The following EYS variants were observed in gnomAD, a reference collection of about 807,000 sequenced individuals.
EYS encodes the protein EGF-like photoreceptor maintenance factor, also known as protein eyes shut homolog.
In EYS, 250 loss-of-function variants were observed where a neutral mutation model predicts 282.1. The ratio of observed to expected loss-of-function variants is 0.89; its 90% CI spans 0.80 to 0.98. The LOEUF (loss-of-function observed/expected upper bound fraction) is 0.98. EYS is among the 50% of genes least tolerant of loss of function. The pLI, the probability that EYS is intolerant of heterozygous loss-of-function variation, is 0.00. For missense variants in EYS, 4,016 were observed against 3,709.0 expected (o/e 1.08, Z -2.15); for synonymous variants, 1,355 against 1,282.9 (o/e 1.06, Z -1.20).
chr6:64,190,263 C>T (rs1349853698), intron 31 of EYS, among the ~76,000 whole-genome samples: 1 of 152,156 alleles, frequency 6.6e-6, no homozygotes. Context: ...GAACATGCTA[C>T]TTTGCCTTAT....
At chr6:64,930,745 A>T (rs923771680) in intron 15 of EYS, among the ~76,000 whole-genome samples, 1 of 152,144 alleles carries the variant, frequency 6.6e-6, no homozygotes, top group African/African-American at 2.4e-5. Flanking sequence ...GCAAACCTTC[A>T]CGTTGTCTGA....
chr6:64,476,478 G>T, intron 26 of EYS, among the ~76,000 whole-genome samples: 1 of 151,428 alleles, frequency 6.6e-6, no homozygotes, highest in African/African-American at 2.4e-5. Flanking sequence ...AAGATCTCTG[G>T]GTATATCCAA....
At chr6:64,513,524 T>G (rs953756885) in intron 26 of EYS, among the ~76,000 whole-genome samples, 2 of 151,916 alleles carry the variant, frequency 1.3e-5, no homozygotes, top group Non-Finnish European at 2.9e-5. Flanking sequence ...GAAAATATTT[T>G]ACTGTCCCTA....
At chr6:64,855,800 C>G (rs1766040818) in intron 19 of EYS, among the ~76,000 whole-genome samples, 1 of 152,122 alleles carries the variant, frequency 6.6e-6, no homozygotes, top group African/African-American at 2.4e-5. Flanking sequence ...CACATTTATT[C>G]CTGATCCTTT....
intron 22 of EYS, chr6:64,730,904 C>T (rs555613935): frequency 5.3e-5 from 8 of 152,160 alleles, no homozygotes; most frequent in South Asian, 4.2e-4. Flanking sequence ...AACGTAAATT[C>T]GAGGATTCAT....
At chr6:64,739,041 C>A (rs1217530752) in intron 22 of EYS, among the ~76,000 whole-genome samples, 1 of 152,216 alleles carries the variant, frequency 6.6e-6, no homozygotes, top group Non-Finnish European at 1.5e-5. Flanking sequence ...AGCCACCATG[C>A]CTGTCCAGTA....
chr6:63,832,241 A>G (rs1285919692), intron 36 of EYS, among the ~76,000 whole-genome samples: 1 of 152,166 alleles, frequency 6.6e-6, no homozygotes, highest in Non-Finnish European at 1.5e-5. Flanking sequence ...GGAGATAGAG[A>G]CACAAAAAAC....
chr6:65,461,836 G>A (rs1764836771), intron 5 of EYS, among the ~76,000 whole-genome samples: 1 of 152,056 alleles, frequency 6.6e-6, no homozygotes, highest in African/African-American at 2.4e-5. Context: ...ATACTTTACT[G>A]ATAGGAAGTA....
intron 12 of EYS, among the ~76,000 whole-genome samples, chr6:65,159,361 A>G (rs1373522546): frequency 6.6e-6 from 1 of 150,838 alleles, no homozygotes; most frequent in Non-Finnish European, 1.5e-5. Flanking sequence ...TGCTCTAGGT[A>G]TGTCATACTA....
At chr6:63,732,039 G>A (rs1768795713) in intron 41 of EYS, among the ~76,000 whole-genome samples, 1 of 151,990 alleles carries the variant, frequency 6.6e-6, no homozygotes, top group South Asian at 2.1e-4. Context: ...TACCCAGTGG[G>A]GAGGAGCTCG....
At chr6:64,844,141 T>A (rs1051296545) in intron 19 of EYS, among the ~76,000 whole-genome samples, 1 of 152,148 alleles carries the variant, frequency 6.6e-6, no homozygotes, top group African/African-American at 2.4e-5. Flanking sequence ...TTCTTCCAAG[T>A]CGCTGGTATG....
rs544543321 is a variant in EYS at position 63,981,753 on chromosome 6, C to T, written c.7055+2630G>A. Reference sequence around the variant, plus strand: ...TGAGGATGGAAGGTGAGATAATGTACGTGATGAAGACTGACTGATACATTT... The same window carrying T: ...TGAGGATGGAAGGTGAGATAATGTATGTGATGAAGACTGACTGATACATTT... On this transcript the variant is annotated intron_variant, in intron 35 of 42. Transcript: ENST00000503581. Among the ~76,000 whole-genome samples, 19 of 151,862 alleles carry T rather than the reference C, an allele frequency of 1.3e-4. No homozygotes were observed. The South Asian group carries it at 3.1e-3, about 25-fold the overall frequency.
chr6:65,465,428 G>A (rs1051046171), intron 5 of EYS, among the ~76,000 whole-genome samples: 3 of 152,200 alleles, frequency 2.0e-5, no homozygotes, highest in East Asian at 1.9e-4. Flanking sequence ...AGTGAGCCAC[G>A]ATTGTGCCGC....
intron 7 of EYS, among the ~76,000 whole-genome samples, chr6:65,388,702 C>T (rs780853831): frequency 1.3e-5 from 2 of 151,892 alleles, no homozygotes; most frequent in East Asian, 1.9e-4. Context: ...ATTTAAAATA[C>T]TTTAGGTTTT....
intron 40 of EYS, among the ~76,000 whole-genome samples, chr6:63,768,178 G>A (rs1248982966): frequency 2.0e-5 from 3 of 151,920 alleles, no homozygotes; most frequent in Non-Finnish European, 2.9e-5. Context: ...AAGAATTTAC[G>A]ACTAAGTCCC....
intron 28 of EYS, among the ~76,000 whole-genome samples, chr6:64,397,277 C>A (rs1006624573): frequency 6.6e-6 from 1 of 151,956 alleles, no homozygotes; most frequent in Admixed American, 6.6e-5. Context: ...AAGGGATAGA[C>A]CTTTCAATTT....
intron 12 of EYS, among the ~76,000 whole-genome samples, chr6:65,159,856 A>G (rs1244220608): frequency 6.6e-6 from 1 of 150,998 alleles, no homozygotes; most frequent in African/African-American, 2.4e-5. Context: ...ACAATTAGAA[A>G]TAACAGTTGG....
intron 29 of EYS, among the ~76,000 whole-genome samples, chr6:64,367,746 AC>A: frequency 6.6e-6 from 1 of 152,066 alleles, no homozygotes; most frequent in East Asian, 1.9e-4. Flanking sequence ...TACTTATGCA[AC>A]GGCAGCGTGG....
chr6:65,177,821 G>T (rs1395691900), intron 12 of EYS, among the ~76,000 whole-genome samples: 1 of 151,792 alleles, frequency 6.6e-6, no homozygotes, highest in South Asian at 2.1e-4. Flanking sequence ...TTTAAAACAT[G>T]TACCTATGTT....
Sources: gnomAD v4.1 joint callset for allele counts (sites outside exome capture counted in the v4.1 genomes callset) on GRCh38, gnomAD v4.1.1 for gene constraint, MANE v1.5 for transcripts, NCBI Gene and HGNC (gene_info 2026-07-23, HGNC 2026-07-21) for gene names.